Variants in FARSB observed in about 807,000 individuals in gnomAD.
FARSB encodes the protein phenylalanyl-tRNA synthetase subunit beta.
In FARSB, 40 loss-of-function variants were observed where a neutral mutation model predicts 69.6. The ratio of observed to expected loss-of-function variants is 0.57; its 90% CI spans 0.45 to 0.75. The LOEUF (loss-of-function observed/expected upper bound fraction) is 0.75. Ranked by LOEUF, FARSB falls within the 30% of genes least tolerant of loss-of-function variation. The pLI, the probability that FARSB is intolerant of heterozygous loss-of-function variation, is 0.00. For missense variants in FARSB, 632 were observed against 722.9 expected, an observed-to-expected ratio of 0.87 and a Z score of 1.44; for synonymous variants, 235 against 247.2, an observed-to-expected ratio of 0.95 and a Z score of 0.46.
Position 222,630,131 on chromosome 2 carries a change from T to TA in FARSB, c.829dup (p.Tyr277LeufsTer3). The TA allele has an allele frequency of 6.4e-7, 1 of 1,562,832 alleles. No individual in the cohort carries two copies. The highest frequency in any genetic ancestry group is 1.4e-5 in the African/African-American group (1 of 72,104). On this transcript the variant is annotated frameshift_variant, in exon 9 of 17. Transcript: ENST00000281828. LOFTEE classifies it high-confidence loss of function. ...AACTTACGTAAATTGATTCTCACAA[T>TA]ATTCACTGAACATGGTGACAATAAT... is the stretch of plus-strand genomic sequence containing the variant.
At chr2:222,633,115 A>C in intron 7 of FARSB, 84 bp downstream of exon 7, 1 of 775,318 alleles carries the variant, frequency 1.3e-6, no homozygotes, top group Admixed American at 1.9e-5. Flanking sequence ...AATTTGATTC[A>C]GCCAAGTCTA....
At chr2:222,584,005 A>G (rs1559190038) in intron 16 of FARSB, among the ~76,000 whole-genome samples, 1 of 152,236 alleles carries the variant, frequency 6.6e-6, no homozygotes. Flanking sequence ...TCATAGCAGC[A>G]TGAGAACGGA....
intron 16 of FARSB, among the ~76,000 whole-genome samples, chr2:222,587,486 A>G (rs1327164153): frequency 6.6e-6 from 1 of 152,232 alleles, no homozygotes; most frequent in Non-Finnish European, 1.5e-5. Context: ...AAGCTAGCAG[A>G]AGGCAAGAAA....
At chr2:222,616,075 C>T (rs1690987545) in intron 14 of FARSB, among the ~76,000 whole-genome samples, 1 of 152,092 alleles carries the variant, frequency 6.6e-6, no homozygotes, top group African/African-American at 2.4e-5. Context: ...TATCCAACTA[C>T]CAATTTACTG....
At chr2:222,655,142 GC>G (rs1352259355) in intron 1 of FARSB, among the ~76,000 whole-genome samples, 1 of 152,044 alleles carries the variant, frequency 6.6e-6, no homozygotes, top group Non-Finnish European at 1.5e-5. Context: ...GTTGCTGTCA[GC>G]CGAGATCGCG....
chr2:222,621,279 G>A (rs1691128109), intron 13 of FARSB, among the ~76,000 whole-genome samples: 1 of 152,214 alleles, frequency 6.6e-6, no homozygotes, highest in Non-Finnish European at 1.5e-5. Context: ...GCAGTAGTTA[G>A]TACACAGTAA....
intron 1 of FARSB, among the ~76,000 whole-genome samples, chr2:222,649,406 G>C (rs1449472218): frequency 6.6e-6 from 1 of 152,340 alleles, no homozygotes; most frequent in African/African-American, 2.4e-5. Context: ...CTGTTAAGTA[G>C]AGATCAGATA....
At chr2:222,593,929 C>T (rs1222634399) in intron 16 of FARSB, among the ~76,000 whole-genome samples, 4 of 150,898 alleles carry the variant, frequency 2.7e-5, no homozygotes, top group Non-Finnish European at 5.9e-5. Flanking sequence ...AAGTTATTTT[C>T]TTATATCAAG....
chr2:222,630,626 A>T (rs1691394308), intron 8 of FARSB, among the ~76,000 whole-genome samples: 1 of 152,180 alleles, frequency 6.6e-6, no homozygotes, highest in Admixed American at 6.5e-5. Context: ...AGATTAAATA[A>T]TTGGCATGTA....
chr2:222,652,983 T>C (rs2106019362), intron 1 of FARSB, among the ~76,000 whole-genome samples: 1 of 152,324 alleles, frequency 6.6e-6, no homozygotes, highest in African/African-American at 2.4e-5. Context: ...AAAATCGTGA[T>C]TACTAATTTC....
At chr2:222,649,577 G>A (rs1489393903) in intron 1 of FARSB, among the ~76,000 whole-genome samples, 1 of 152,198 alleles carries the variant, frequency 6.6e-6, no homozygotes, top group Non-Finnish European at 1.5e-5. Context: ...GGCACCTTAT[G>A]TAAACTTTCT....
At chr2:222,649,137 A>G (rs1180172767) in intron 1 of FARSB, among the ~76,000 whole-genome samples, 2 of 151,396 alleles carry the variant, frequency 1.3e-5, no homozygotes, top group Non-Finnish European at 2.9e-5. Flanking sequence ...GAGGCAGGAG[A>G]ATTGCTTGAA....
intron 15 of FARSB, among the ~76,000 whole-genome samples, chr2:222,611,153 A>G (rs1386788034): frequency 2.6e-5 from 4 of 152,198 alleles, no homozygotes; most frequent in Non-Finnish European, 5.9e-5. Flanking sequence ...ACCTCCCTTC[A>G]TTTCTCAAAT....
At chr2:222,590,938 T>A (rs1347371668) in intron 16 of FARSB, among the ~76,000 whole-genome samples, 1 of 152,130 alleles carries the variant, frequency 6.6e-6, no homozygotes, top group African/African-American at 2.4e-5. Flanking sequence ...TACACCTTGA[T>A]AGAAAAGGAA....
intron 15 of FARSB, among the ~76,000 whole-genome samples, chr2:222,608,523 A>C (rs1009834239): frequency 6.6e-6 from 1 of 152,206 alleles, no homozygotes; most frequent in Non-Finnish European, 1.5e-5. Flanking sequence ...AAGAACAGTG[A>C]ATTAGGTTTG....
intron 15 of FARSB, among the ~76,000 whole-genome samples, chr2:222,607,963 TA>T (rs796323057): frequency 8.1e-5 from 12 of 148,536 alleles, no homozygotes; most frequent in South Asian, 2.1e-4. Flanking sequence ...TTTTACCTAT[TA>T]AAAAAAAAAC....
Position 222,571,240 on chromosome 2 carries a change from T to TATC in FARSB, c.*628_*630dup, listed in dbSNP as rs1210591875. ...GAACAGATCTTTGTTGCATGTACTC[T>TATC]ATCTTAGAGTATCACAGATAGAGTA... On this transcript the variant is annotated 3_prime_UTR_variant, in exon 17 of 17. Transcript: ENST00000281828. The TATC allele has an allele frequency of 2.0e-5, 3 of 152,248 alleles. No homozygotes were observed. The highest frequency in any genetic ancestry group is 2.9e-5 in the Non-Finnish European group (2 of 68,046). The allele number at this position is 152,248 out of a possible 1,614,324, so 9.4% of individuals were successfully genotyped here.
intron 15 of FARSB, among the ~76,000 whole-genome samples, chr2:222,604,174 C>T (rs1020445204): frequency 3.3e-5 from 5 of 149,422 alleles, no homozygotes; most frequent in Middle Eastern, 3.5e-3. Flanking sequence ...ACCGAGATCA[C>T]GCCACTGCAC....
At position 222,655,999 on chromosome 2, in the gene FARSB, A is replaced by G; in HGVS notation, c.58+17T>C. Reference sequence around the variant, plus strand: ...CGAGAAGAGGCGTAGGGCCCAACGTATAGGGCCGCCACTCACTGTAGGTGC... The same window carrying G: ...CGAGAAGAGGCGTAGGGCCCAACGTGTAGGGCCGCCACTCACTGTAGGTGC... On this transcript the variant is annotated intron_variant, in intron 1 of 16. Transcript: ENST00000281828. 1 of 1,581,782 alleles carries G rather than the reference A, an allele frequency of 6.3e-7. No individual in the cohort carries two copies. Among genetic ancestry groups the G allele is most frequent in the East Asian group, 2.3e-5 (1 of 43,546 alleles).
Sources: allele counts gnomAD v4.1 joint callset (sites outside exome capture counted in the v4.1 genomes callset), GRCh38; gene constraint gnomAD v4.1.1; transcripts MANE v1.5; gene names NCBI Gene and HGNC (gene_info 2026-07-23, HGNC 2026-07-21).